ANKFY1: variants seen among roughly 807,000 people sequenced by gnomAD.
ANKFY1 encodes ankyrin repeat and FYVE domain containing 1, also known as ankyrin repeat and FYVE domain-containing protein 1.
ANKFY1 carries 47 observed loss-of-function variants against 128.3 expected under a neutral mutation model. The ratio of observed to expected loss-of-function variants is 0.37; its 90% CI spans 0.29 to 0.47. The LOEUF (loss-of-function observed/expected upper bound fraction) is 0.47. Ranked by LOEUF, ANKFY1 falls within the 20% of genes least tolerant of loss-of-function variation. ANKFY1 has a pLI of 1.00. For missense variants in ANKFY1, 1,222 were observed against 1,510.6 expected (o/e 0.81, Z 3.17); for synonymous variants, 553 against 601.6 (o/e 0.92, Z 1.18).
At chr17:4,229,369 A>T (rs2143209683) in intron 3 of ANKFY1, among the ~76,000 whole-genome samples, 1 of 152,084 alleles carries the variant, frequency 6.6e-6, no homozygotes, top group Non-Finnish European at 1.5e-5. Flanking sequence ...GGTTGCAGTG[A>T]GCTGAGATCA....
intron 16 of ANKFY1, 51 bp from the exon 17 acceptor site, chr17:4,179,928 T>C (rs751778297): frequency 3.7e-6 from 6 of 1,605,650 alleles, no homozygotes; most frequent in Middle Eastern, 1.7e-4. Flanking sequence ...ACCTGGCGTA[T>C]AGGCATGCTG....
In ANKFY1 at chr17:4,208,282, A is replaced by G. The variant is rs186346385; in HGVS notation, c.583-200T>C. The stretch of plus-strand genomic sequence containing the variant: ...TACAGAAGAAAATATTATGGCATAA[A>G]GAGATTAGATAACTTGCTCAAGTTC... On this transcript the variant is annotated intron_variant, in intron 5 of 24. Coordinates refer to ENST00000341657, the MANE Select transcript of ANKFY1 (RefSeq NM_001330063.2). The G allele has an allele frequency of 1.7e-3, 862 of 504,708 alleles. 5 individuals are homozygous for G. Among genetic ancestry groups the G allele is most frequent in the Middle Eastern group, 9.1e-3 (18 of 1,982 alleles). The allele number at this position is 504,708 out of a possible 1,614,324, so 31.3% of individuals were successfully genotyped here. A position where few individuals can be genotyped will look rare whatever the true frequency, so the allele number is the denominator to read the frequency against.
intron 1 of ANKFY1, chr17:4,263,552 C>G (rs1018820015): frequency 5.3e-5 from 75 of 1,419,470 alleles, no homozygotes; most frequent in Non-Finnish European, 6.9e-5. Context: ...GGATGCAGAA[C>G]GTGCCAGGAC....
Position 4,183,548 on chromosome 17 carries a change from A to C in ANKFY1, c.1802T>G (p.Met601Arg), listed in dbSNP as rs1181404639. 7 of 1,611,902 alleles carry C rather than the reference A, an allele frequency of 4.3e-6. No homozygotes were observed. The highest frequency in any genetic ancestry group is 5.1e-6 in the Non-Finnish European group (6 of 1,179,978). Residue 601 changes from methionine (M) to arginine (R), a missense_variant, in exon 14 of 25, where the codon ATG becomes AGG. Met to Arg is a moderately conservative substitution (Grantham distance 91, BLOSUM62 -1). Coordinates refer to ENST00000341657, the MANE Select transcript of ANKFY1 (RefSeq NM_001330063.2). ...TVLGLALWTG[M>R]HTIAAQLLGS... ...CAGCAGCTGGGCTGCGATCGTGTGC[A>C]TGCCTGGGAAACAAGCCCCGATCTC...
Position 4,169,338 on chromosome 17 carries a change from G to T in ANKFY1, c.3287-50C>A, listed in dbSNP as rs549444197. The T allele has an allele frequency of 2.1e-6, 3 of 1,413,300 alleles. No homozygotes were observed. The highest frequency in any genetic ancestry group is 2.9e-6 in the Non-Finnish European group (3 of 1,026,166). The allele number at this position is 1,413,300 out of a possible 1,614,324, so 87.5% of individuals were successfully genotyped here. On this transcript the variant is annotated intron_variant, in intron 23 of 24. Transcript: ENST00000341657. This position sits in a 1 kb window ranked among gnomAD's most constrained non-coding sequence, Gnocchi z 5.0. The stretch of plus-strand genomic sequence containing the variant: ...TCCCGTCAAACCGCGACGGCGCCAC[G>T]CAAGCCCCAGGGCTTGGAGGCAGCA...
intron 1 of ANKFY1, among the ~76,000 whole-genome samples, chr17:4,251,667 C>A (rs1485568705): frequency 2.0e-5 from 3 of 150,672 alleles, no homozygotes; most frequent in South Asian, 2.1e-4. Context: ...TTGACTTTAC[C>A]AAATTTTAAA....
intron 1 of ANKFY1, among the ~76,000 whole-genome samples, chr17:4,251,757 A>G (rs796383921): frequency 2.4e-4 from 37 of 152,166 alleles, no homozygotes; most frequent in African/African-American, 8.7e-4. Flanking sequence ...ATCCAACAAA[A>G]AACGCCTCAT....
rs1419316611 is a variant in ANKFY1, at chr17:4,263,122, G to T, written c.10+810C>A. The stretch of plus-strand genomic sequence containing the variant: ...TCCTGACAGGTAACTCCCCGTCTCT[G>T]GGCCTTCTTTCCCCCTACGTGTACA... On this transcript the variant is annotated intron_variant, in intron 1 of 24. Coordinates refer to ENST00000341657, the MANE Select transcript of ANKFY1 (RefSeq NM_001330063.2). Among the ~76,000 whole-genome samples the T allele has an allele frequency of 2.0e-5, 3 of 152,192 alleles. No individual in the cohort carries two copies. In the East Asian group the frequency reaches 5.8e-4, roughly 29 times the overall value.
intron 3 of ANKFY1, among the ~76,000 whole-genome samples, chr17:4,230,974 TGCCAA>T (rs2060503715): frequency 6.6e-6 from 1 of 152,228 alleles, no homozygotes; most frequent in Admixed American, 6.5e-5. Flanking sequence ...GGCCCTATTT[TGCCAA>T]TTTTACCAGT....
intron 1 of ANKFY1, among the ~76,000 whole-genome samples, chr17:4,244,161 C>T (rs1331465761): frequency 6.6e-6 from 1 of 152,158 alleles, no homozygotes; most frequent in Non-Finnish European, 1.5e-5. Flanking sequence ...AGACTCCTGG[C>T]CTCAAGTGAT....
In ANKFY1 at chr17:4,192,935, AATAT is replaced by A. The variant is rs368998641; in HGVS notation, c.1372+2039_1372+2042del. Among the ~76,000 whole-genome samples the A allele has an allele frequency of 2.2e-4, 33 of 152,312 alleles. 1 individual carries two copies. In the East Asian group the frequency reaches 4.0e-3, roughly 19 times the overall value. On this transcript the variant is annotated intron_variant, in intron 10 of 24. Transcript: ENST00000341657. ...AGATTACACGTATAATGAAAAATGA[AATAT>A]ATCAATAGAAAAAACAATCCTGAGC...
At chr17:4,207,840 G>A in intron 6 of ANKFY1, 93 bp downstream of exon 6, 1 of 1,314,248 alleles carries the variant, frequency 7.6e-7, no homozygotes, top group Non-Finnish European at 1.0e-6. Context: ...GACTGTGCCA[G>A]TCATGGCTCG....
chr17:4,181,050 C>G lies in ANKFY1; in HGVS notation c.2240+204G>C. On this transcript the variant is annotated intron_variant, in intron 16 of 24. Coordinates refer to ENST00000341657, the MANE Select transcript of ANKFY1 (RefSeq NM_001330063.2). This position sits in a 1 kb window ranked among gnomAD's most constrained non-coding sequence, Gnocchi z 4.9. ...ACTCCAGCTTTCAGATTCTTTGATT[C>G]AGGGCTGTGAGCTCCTCCCGTCACA... 1.8e-6 allele frequency: 1 copy of G among 540,846 alleles called. No individual in the cohort carries two copies. The highest frequency in any genetic ancestry group is 3.3e-6 in the Non-Finnish European group (1 of 299,018). 33.5% of individuals were successfully genotyped at this position (540,846 alleles called of 1,614,324 possible). A position where few individuals can be genotyped will look rare whatever the true frequency, so the allele number is the denominator to read the frequency against.
chr17:4,251,334 G>A (rs1284601635), intron 1 of ANKFY1, among the ~76,000 whole-genome samples: 1 of 152,056 alleles, frequency 6.6e-6, no homozygotes, highest in Non-Finnish European at 1.5e-5. Context: ...AGCTACTCAG[G>A]AGGCTGGGGA....
At chr17:4,242,203 G>C in intron 2 of ANKFY1, 53 bp downstream of exon 2, 1 of 1,425,276 alleles carries the variant, frequency 7.0e-7, no homozygotes, top group East Asian at 2.7e-5. Context: ...AAAAGCTGTA[G>C]TGTGGCCCAG....
chr17:4,182,924 G>A (rs1364648275), intron 14 of ANKFY1, among the ~76,000 whole-genome samples: 2 of 152,074 alleles, frequency 1.3e-5, no homozygotes, highest in African/African-American at 4.8e-5. Context: ...TGGCCAACAT[G>A]GTGAAACCCC....
chr17:4,250,563 C>T (rs979314066), intron 1 of ANKFY1, among the ~76,000 whole-genome samples: 3 of 152,142 alleles, frequency 2.0e-5, no homozygotes, highest in African/African-American at 7.2e-5. Flanking sequence ...GGCTCAATAG[C>T]TCAATATTGT....
At position 4,182,343 on chromosome 17, in the gene ANKFY1, C is replaced by A. The variant is rs377174889; in HGVS notation, c.1959G>T (p.Gln653His). Residue 653 changes from glutamine (Q) to histidine (H), a missense_variant, in exon 15 of 25, where the codon CAG (glutamine) becomes CAT (histidine). By Grantham distance (24) the Gln-to-His change is conservative. Coordinates refer to ENST00000341657, the MANE Select transcript of ANKFY1 (RefSeq NM_001330063.2). ...CCAGCTGGAGGGCTGTCTCCCCGTC[C>A]TGAGTCCTGCTAGGACATGCACACC... ...EHQADINVRT[Q>H]DGETALQLAI... 4.3e-5 allele frequency: 67 copies of A among 1,571,332 alleles called. No homozygotes were observed. In the African/African-American group the frequency reaches 6.3e-4, roughly 15 times the overall value.
intron 7 of ANKFY1, among the ~76,000 whole-genome samples, chr17:4,206,039 A>G (rs1021258060): frequency 6.6e-6 from 1 of 152,234 alleles, no homozygotes; most frequent in Non-Finnish European, 1.5e-5. Context: ...AAGCAAACAT[A>G]TCAAGTGCTT....
Sources: allele counts gnomAD v4.1 joint callset (sites outside exome capture counted in the v4.1 genomes callset), GRCh38; gene constraint gnomAD v4.1.1; non-coding constraint Gnocchi (gnomAD v3.1); transcripts MANE v1.5; gene names NCBI Gene and HGNC (gene_info 2026-07-23, HGNC 2026-07-21).